IL1RAPL2: variants seen among roughly 807,000 people sequenced by gnomAD.
The protein encoded by IL1RAPL2 is interleukin 1 receptor accessory protein like 2.
IL1RAPL2 carries 3 observed loss-of-function variants against 44.1 expected under a neutral mutation model. The observed-to-expected ratio is 0.07, with a 90% CI of 0.03 to 0.18. The LOEUF (loss-of-function observed/expected upper bound fraction) is 0.18, where lower values mean the gene tolerates loss of function less well. Among genes scored for constraint, IL1RAPL2 ranks in the 10% least tolerant of loss-of-function variants. The pLI, the probability that IL1RAPL2 is intolerant of heterozygous loss-of-function variation, is 1.00. For missense variants in IL1RAPL2, 391 were observed against 496.4 expected (o/e 0.79, Z 2.02); for synonymous variants, 181 against 178.8 (o/e 1.01, Z -0.10).
At chrX:105,158,466 A>T (rs938403041) in intron 2 of IL1RAPL2, among the ~76,000 whole-genome samples, 1 of 112,384 alleles carries the variant, frequency 8.9e-6, no homozygotes, top group Middle Eastern at 4.6e-3. Flanking sequence ...ACTCCTTGTC[A>T]CTTCTTTTCT....
intron 2 of IL1RAPL2, among the ~76,000 whole-genome samples, chrX:105,115,585 C>A (rs948382104): frequency 1.8e-5 from 2 of 112,346 alleles, no homozygotes; most frequent in African/African-American, 6.5e-5. Context: ...ATTTAAAAAA[C>A]CTTGAGCTAG....
chrX:104,911,301 C>G (rs1236129286), intron 2 of IL1RAPL2, among the ~76,000 whole-genome samples: 2 of 111,887 alleles, frequency 1.8e-5, no homozygotes, highest in African/African-American at 3.2e-5. Flanking sequence ...CTTTATGAGA[C>G]TAGCATAACC....
intron 2 of IL1RAPL2, among the ~76,000 whole-genome samples, chrX:104,707,725 A>G (rs747770783): frequency 1.8e-5 from 2 of 111,809 alleles, no homozygotes; most frequent in East Asian, 5.7e-4. Context: ...TAGAGGAATT[A>G]CAATGTGGAG....
At chrX:104,798,556 C>T (rs1012218465) in intron 2 of IL1RAPL2, among the ~76,000 whole-genome samples, 3 of 110,590 alleles carry the variant, frequency 2.7e-5, no homozygotes, top group Admixed American at 9.5e-5. Flanking sequence ...GTCCCAGCTA[C>T]TCGGGAGGCT....
At chrX:105,270,417 C>T (rs1043090911) in intron 5 of IL1RAPL2, among the ~76,000 whole-genome samples, 2 of 111,398 alleles carry the variant, frequency 1.8e-5, no homozygotes, top group Admixed American at 9.6e-5. Flanking sequence ...TGGGTAAAAG[C>T]GACTTCAACT....
rs2037386966 is a variant in IL1RAPL2, at chrX:105,617,624, A to T, written c.773-99743A>T. ...ATTTCTTGCTTATGAGTTGTTACCT[A>T]CAATTTCACATAATTTTTCTGACAG... On this transcript the variant is annotated intron_variant, in intron 6 of 10. Transcript: ENST00000372582. Among the ~76,000 whole-genome samples, 3 of 111,987 alleles carry T rather than the reference A, an allele frequency of 2.7e-5. No homozygotes were observed. The South Asian group carries it at 1.1e-3, about 41-fold the overall frequency.
At chrX:105,396,986 C>T (rs756517268) in intron 5 of IL1RAPL2, among the ~76,000 whole-genome samples, 1 of 110,354 alleles carries the variant, frequency 9.1e-6, no homozygotes, top group Non-Finnish European at 1.9e-5. Flanking sequence ...AACTCTGCCT[C>T]CTGTCAGATC....
At chrX:105,724,000 A>G (rs1188211147) in intron 7 of IL1RAPL2, among the ~76,000 whole-genome samples, 2 of 111,055 alleles carry the variant, frequency 1.8e-5, no homozygotes, top group African/African-American at 3.3e-5. Flanking sequence ...TCAAAATTGC[A>G]TTGTGTAATA....
At chrX:105,479,663 C>T (rs2036221192) in intron 5 of IL1RAPL2, among the ~76,000 whole-genome samples, 1 of 109,962 alleles carries the variant, frequency 9.1e-6, no homozygotes, top group Admixed American at 9.8e-5. Context: ...CGCTTCAACC[C>T]AGGAGGCGGA....
chrX:105,326,264 C>T (rs1225806232), intron 5 of IL1RAPL2, among the ~76,000 whole-genome samples: 1 of 110,515 alleles, frequency 9.0e-6, no homozygotes, highest in Non-Finnish European at 1.9e-5. Context: ...ACTATGTTGT[C>T]CAGGCTAGTC....
At chrX:105,039,816 T>A (rs986493159) in intron 2 of IL1RAPL2, among the ~76,000 whole-genome samples, 30 of 111,682 alleles carry the variant, frequency 2.7e-4, no homozygotes, top group Admixed American at 9.6e-4. Context: ...TACAATCATG[T>A]CATCTGCAAA....
intron 6 of IL1RAPL2, among the ~76,000 whole-genome samples, chrX:105,528,574 G>A (rs1342256375): frequency 9.0e-6 from 1 of 111,322 alleles, no homozygotes; most frequent in Non-Finnish European, 1.9e-5. Context: ...ACACTTATAT[G>A]CCTTTTACCT....
chrX:105,033,904 T>C (rs2031566759), intron 2 of IL1RAPL2, among the ~76,000 whole-genome samples: 1 of 111,796 alleles, frequency 8.9e-6, no homozygotes, highest in African/African-American at 3.3e-5. Flanking sequence ...CCCATATTTC[T>C]TGGAGGCTTT....
At chrX:105,158,551 T>C (rs2033291872) in intron 2 of IL1RAPL2, among the ~76,000 whole-genome samples, 1 of 111,814 alleles carries the variant, frequency 8.9e-6, no homozygotes, top group Non-Finnish European at 1.9e-5. Flanking sequence ...TCTCTATTTC[T>C]CCAATACCCC....
intron 2 of IL1RAPL2, among the ~76,000 whole-genome samples, chrX:105,114,251 C>A (rs1040056110): frequency 1.8e-5 from 2 of 111,747 alleles, no homozygotes; most frequent in African/African-American, 6.5e-5. Context: ...GGGGAGGAAG[C>A]CCTCATCAGA....
chrX:105,324,400 C>T (rs1225430714), intron 5 of IL1RAPL2, among the ~76,000 whole-genome samples: 1 of 111,481 alleles, frequency 9.0e-6, no homozygotes, highest in Admixed American at 9.6e-5. Flanking sequence ...AAATATCTGT[C>T]ATGGCCCAGT....
intron 2 of IL1RAPL2, among the ~76,000 whole-genome samples, chrX:105,002,735 G>C (rs1232434162): frequency 9.3e-6 from 1 of 107,846 alleles, no homozygotes; most frequent in Non-Finnish European, 1.9e-5. Context: ...ATAGGAAATG[G>C]GCAATTTTTC....
intron 2 of IL1RAPL2, among the ~76,000 whole-genome samples, chrX:104,810,129 T>C (rs1440671534): frequency 4.6e-5 from 5 of 109,421 alleles, no homozygotes; most frequent in Admixed American, 2.0e-4. Context: ...ATGGATGAAA[T>C]TGGAAATCAT....
At chrX:104,737,992 A>T (rs1226098887) in intron 2 of IL1RAPL2, among the ~76,000 whole-genome samples, 1 of 112,087 alleles carries the variant, frequency 8.9e-6, no homozygotes, top group Non-Finnish European at 1.9e-5. Flanking sequence ...GCTTGTTCTG[A>T]TCTTCTAGTT....
Sources: allele counts gnomAD v4.1 joint callset (sites outside exome capture counted in the v4.1 genomes callset), GRCh38; gene constraint gnomAD v4.1.1; transcripts MANE v1.5; gene names NCBI Gene and HGNC (gene_info 2026-07-23, HGNC 2026-07-21).